The following RGS13 variants were observed in gnomAD, a reference collection of about 807,000 sequenced individuals.
RGS13 encodes the protein regulator of G-protein signalling 13.
Under a neutral mutation model 19.9 loss-of-function variants are expected in RGS13, and 14 were observed. The observed-to-expected ratio is 0.70, with a 90% CI of 0.46 to 1.10. The LOEUF is 1.10. RGS13 is among the 50% of genes least tolerant of loss of function. The pLI is 0.00. For synonymous variants in RGS13, 60 were observed against 56.8 expected, an observed-to-expected ratio of 1.06 and a Z score of -0.25; for missense variants, 205 against 187.1, an observed-to-expected ratio of 1.10 and a Z score of -0.56.
intron 5 of RGS13, among the ~76,000 whole-genome samples, chr1:192,648,515 G>T (rs917527438): frequency 1.3e-5 from 2 of 152,240 alleles, no homozygotes; most frequent in South Asian, 4.1e-4. Context: ...TGGGCTCAGT[G>T]CAGGAAAAAT....
intron 1 of RGS13, among the ~76,000 whole-genome samples, chr1:192,636,586 T>C (rs565762315): frequency 5.4e-4 from 82 of 152,168 alleles, no homozygotes; most frequent in Middle Eastern, 6.8e-3. Context: ...TTTCATTTTA[T>C]GTTTTTGTGT....
At chr1:192,646,159 G>A (rs1433414911) in intron 4 of RGS13, 1 of 152,150 alleles carries the variant, frequency 6.6e-6, no homozygotes, top group African/African-American at 2.4e-5. Context: ...CCTCAGTACT[G>A]ATGCAAGCAG....
At chr1:192,643,903 T>C (rs548084150) in intron 3 of RGS13, among the ~76,000 whole-genome samples, 1 of 152,210 alleles carries the variant, frequency 6.6e-6, no homozygotes, top group East Asian at 1.9e-4. Context: ...CAGTGAGCCA[T>C]GATCATGCCA....
chr1:192,640,250 T>A (rs1663082795), intron 3 of RGS13, among the ~76,000 whole-genome samples: 1 of 152,278 alleles, frequency 6.6e-6, no homozygotes, highest in East Asian at 1.9e-4. Flanking sequence ...AGATGAGGAA[T>A]CTTGAAACTC....
chr1:192,636,961 C>T (rs554770225), intron 1 of RGS13, among the ~76,000 whole-genome samples: 7 of 151,676 alleles, frequency 4.6e-5, no homozygotes, highest in African/African-American at 1.7e-4. Flanking sequence ...AATAAAGAAA[C>T]ATATTTAAAT....
intron 3 of RGS13, among the ~76,000 whole-genome samples, chr1:192,641,318 A>G (rs571296236): frequency 2.0e-5 from 3 of 150,928 alleles, no homozygotes; most frequent in South Asian, 2.1e-4. Context: ...AAAGAAAGAA[A>G]GGAGGGAGGG....
At chr1:192,651,459 A>G (rs1663334863) in intron 5 of RGS13, among the ~76,000 whole-genome samples, 1 of 140,616 alleles carries the variant, frequency 7.1e-6, no homozygotes, top group Non-Finnish European at 1.5e-5. Context: ...AGTTTGAGTC[A>G]ATAGTTGTTA....
chr1:192,641,232 GAAAGAAAGAAAGAAAAGAAAGA>G (rs1357789227), intron 3 of RGS13, among the ~76,000 whole-genome samples: 1 of 85,104 alleles, frequency 1.2e-5, no homozygotes, highest in Non-Finnish European at 2.3e-5. Context: ...GAGAAAGAAA[GAAAGAAAGAAAGAAAAGAAAGA>G]AAAGAAAGAA....
At chr1:192,640,679 T>TTC (rs1002886378) in intron 3 of RGS13, among the ~76,000 whole-genome samples, 13 of 51,870 alleles carry the variant, frequency 2.5e-4, no homozygotes, top group African/African-American at 7.8e-4. Flanking sequence ...TCCTCCTCAC[T>TTC]TATAGTAGAG....
At chr1:192,639,094 G>C (rs767503775) in intron 3 of RGS13, among the ~76,000 whole-genome samples, 10 of 152,056 alleles carry the variant, frequency 6.6e-5, no homozygotes, top group Non-Finnish European at 1.5e-5. Context: ...GCTGAGCACA[G>C]GGCTACTATT....
chr1:192,652,957 G>A (rs1663369123), intron 5 of RGS13, among the ~76,000 whole-genome samples: 2 of 151,968 alleles, frequency 1.3e-5, no homozygotes, highest in Admixed American at 1.3e-4. Context: ...TGTTGAGGGG[G>A]ATAAATAATA....
chr1:192,641,277 AGAAAGAAAG>A lies in RGS13; in HGVS notation c.-4-3053_-4-3045del, dbSNP rs1316986529. Among the ~76,000 whole-genome samples the A allele has an allele frequency of 1.9e-4, 22 of 114,480 alleles. No homozygotes were observed. The East Asian group carries it at 9.5e-3, about 49-fold the overall frequency. 75.1% of individuals were successfully genotyped at this position (114,480 alleles called of 152,430 possible). A position where few individuals can be genotyped will look rare whatever the true frequency, so the allele number is the denominator to read the frequency against. ...AGAAAAGAAAGAAAGAAAGAAAGAA[AGAAAGAAAG>A]AAAGAAAGAAAGAAAGAAAGAAAAG... On this transcript the variant is annotated intron_variant, in intron 3 of 6. Transcript: ENST00000391995.
rs570078762 is a variant in RGS13, at chr1:192,651,890, A to G, written c.127+3903A>G. On this transcript the variant is annotated intron_variant, in intron 5 of 6. Transcript: ENST00000391995. The stretch of plus-strand genomic sequence containing the variant: ...ATAGTTTCTGCAGATTTAGAGAACC[A>G]TGATACTATGGAAGGCTCATTGGTT... Among the ~76,000 whole-genome samples the G allele has an allele frequency of 7.3e-4, 111 of 152,194 alleles. 1 individual carries two copies. The highest frequency in any genetic ancestry group is 2.6e-3 in the African/African-American group (106 of 41,554).
Position 192,644,312 on chromosome 1 carries a change from A to G in RGS13, c.-4-19A>G, listed in dbSNP as rs778221412. 1.9e-6 allele frequency: 3 copies of G among 1,549,156 alleles called. No individual in the cohort carries two copies. In the South Asian group the frequency reaches 3.4e-5, roughly 18 times the overall value. On this transcript the variant is annotated intron_variant, in intron 3 of 6. Coordinates refer to ENST00000391995, the MANE Select transcript of RGS13 (RefSeq NM_002927.5). ...TTTTAAATGATTAAATTATACAAAT[A>G]TATACTGTATTTCCTTAGAAAAATG...
intron 5 of RGS13, among the ~76,000 whole-genome samples, chr1:192,649,262 C>A (rs74953869): frequency 4.0e-3 from 603 of 152,216 alleles, no homozygotes; most frequent in African/African-American, 0.014. Flanking sequence ...TCTTCTGGGT[C>A]AGTGTTAGAA....
At position 192,658,383 on chromosome 1, in the gene RGS13, T is replaced by C. The variant is rs1261944964; in HGVS notation, c.294+16T>C. Reference sequence around the variant, plus strand: ...CCCTAGAGAGGTAACTACCTGACAATGACAGGAATGGAAATCAGTTCATCC... The same window carrying C: ...CCCTAGAGAGGTAACTACCTGACAACGACAGGAATGGAAATCAGTTCATCC... On this transcript the variant is annotated intron_variant, in intron 6 of 6. Coordinates refer to ENST00000391995, the MANE Select transcript of RGS13 (RefSeq NM_002927.5). 6.2e-7 allele frequency: 1 copy of C among 1,602,634 alleles called. No homozygotes were observed. Among genetic ancestry groups the C allele is most frequent in the Non-Finnish European group, 8.5e-7 (1 of 1,175,520 alleles).
chr1:192,648,685 G>A (rs961776748), intron 5 of RGS13, among the ~76,000 whole-genome samples: 5 of 152,034 alleles, frequency 3.3e-5, no homozygotes, highest in African/African-American at 1.2e-4. Context: ...TTTTTTAAAT[G>A]GAGTTGGTTC....
intron 3 of RGS13, among the ~76,000 whole-genome samples, chr1:192,642,464 A>G (rs956826818): frequency 5.3e-5 from 8 of 151,372 alleles, no homozygotes; most frequent in Admixed American, 4.0e-4. Flanking sequence ...TGGGACTACA[A>G]GTGCACACCA....
intron 3 of RGS13, among the ~76,000 whole-genome samples, chr1:192,643,813 A>G (rs1663167665): frequency 6.6e-6 from 1 of 152,074 alleles, no homozygotes; most frequent in African/African-American, 2.4e-5. Context: ...TTAGCCAGTC[A>G]TGGTGGCGCA....
Sources: allele counts gnomAD v4.1 joint callset (sites outside exome capture counted in the v4.1 genomes callset), GRCh38; gene constraint gnomAD v4.1.1; transcripts MANE v1.5; gene names NCBI Gene and HGNC (gene_info 2026-07-23, HGNC 2026-07-21).